TSPAN14: variants seen among roughly 807,000 people sequenced by gnomAD.
TSPAN14 encodes tetraspanin-14.
In TSPAN14, 16 loss-of-function variants were observed where a neutral mutation model predicts 36.6. The observed-to-expected ratio is 0.44, with a 90% confidence interval of 0.30 to 0.66. The LOEUF (loss-of-function observed/expected upper bound fraction) is 0.66, where lower values mean the gene tolerates loss of function less well. Among genes scored for constraint, TSPAN14 ranks in the 30% least tolerant of loss-of-function variants. The probability of loss-of-function intolerance (pLI) is 0.12; values close to 1 mark genes in which losing one functional copy is unlikely to be tolerated. For missense variants in TSPAN14, 231 were observed against 355.1 expected (o/e 0.65, Z 2.81); for synonymous variants, 139 against 143.8 (o/e 0.97, Z 0.24).
chr10:80,518,151 T>C (rs1001462758), exon 9 of TSPAN14: 2 of 677,396 alleles, frequency 3.0e-6, no homozygotes, highest in Non-Finnish European at 5.1e-6. Context: ...AGACCAAGGG[T>C]CCCCCTTGTT....
chr10:80,489,235 T>C (rs1273223564), exon 2 of TSPAN14: 1 of 1,578,870 alleles, frequency 6.3e-7, no homozygotes. Context: ...TCTCAGAAGA[T>C]GCACTATTAT....
At chr10:80,486,666 A>G (rs1412791967) in intron 1 of TSPAN14, among the ~76,000 whole-genome samples, 1 of 152,090 alleles carries the variant, frequency 6.6e-6, no homozygotes, top group African/African-American at 2.4e-5. Flanking sequence ...ACAGCCTTCT[A>G]CTTTCCAGGC....
At chr10:80,457,259 C>T (rs992940690) in intron 1 of TSPAN14, among the ~76,000 whole-genome samples, 5 of 151,594 alleles carry the variant, frequency 3.3e-5, no homozygotes, top group African/African-American at 1.2e-4. Flanking sequence ...GATCTCGGCT[C>T]ACTGCAACCT....
exon 9 of TSPAN14, chr10:80,520,831 A>C (rs769013267): frequency 7.5e-6 from 4 of 533,262 alleles, no homozygotes; most frequent in Non-Finnish European, 1.5e-5. Flanking sequence ...CTGTAGCACC[A>C]GACACTGCAC....
chr10:80,490,722 A>T (rs1241974101), intron 2 of TSPAN14, among the ~76,000 whole-genome samples: 1 of 152,078 alleles, frequency 6.6e-6, no homozygotes, highest in Non-Finnish European at 1.5e-5. Flanking sequence ...TCTTCCAAGG[A>T]TGCTTGCCTT....
chr10:80,471,200 C>G (rs534421579), intron 1 of TSPAN14, among the ~76,000 whole-genome samples: 1 of 152,184 alleles, frequency 6.6e-6, no homozygotes, highest in South Asian at 2.1e-4. Flanking sequence ...GCCTCATTCT[C>G]GGTGTCTTAC....
intron 1 of TSPAN14, 152 bp from the exon 2 acceptor site, chr10:80,489,065 A>G (rs1589269343): frequency 5.1e-6 from 3 of 585,456 alleles, no homozygotes; most frequent in South Asian, 2.0e-5. Flanking sequence ...TGCATTACCT[A>G]TACCTGGCCT....
intron 1 of TSPAN14, among the ~76,000 whole-genome samples, chr10:80,479,157 A>T (rs1375033243): frequency 6.6e-6 from 1 of 151,326 alleles, no homozygotes; most frequent in Non-Finnish European, 1.5e-5. Context: ...TTTTCTTGTA[A>T]ATTTGTTTGA....
intron 1 of TSPAN14, among the ~76,000 whole-genome samples, chr10:80,454,671 C>A (rs1339877646): frequency 1.3e-5 from 2 of 152,126 alleles, no homozygotes; most frequent in African/African-American, 4.8e-5. Context: ...GTAGCCCTCG[C>A]CCCATCAGCG....
intron 2 of TSPAN14, among the ~76,000 whole-genome samples, chr10:80,495,582 A>C (rs1015665598): frequency 1.3e-5 from 2 of 152,112 alleles, no homozygotes; most frequent in African/African-American, 4.8e-5. Context: ...AGGTGCTCTG[A>C]GATTATTGCC....
At chr10:80,456,992 G>A (rs1589226953) in intron 1 of TSPAN14, among the ~76,000 whole-genome samples, 1 of 152,104 alleles carries the variant, frequency 6.6e-6, no homozygotes, top group Non-Finnish European at 1.5e-5. Flanking sequence ...AATCTGGGAG[G>A]TGGAGGTTGC....
At chr10:80,481,090 G>A (rs1374670093) in intron 1 of TSPAN14, among the ~76,000 whole-genome samples, 1 of 152,030 alleles carries the variant, frequency 6.6e-6, no homozygotes, top group Non-Finnish European at 1.5e-5. Context: ...GGGTGAAGGA[G>A]TGAGACTCTG....
At chr10:80,471,173 T>G (rs934756611) in intron 1 of TSPAN14, among the ~76,000 whole-genome samples, 10 of 151,984 alleles carry the variant, frequency 6.6e-5, no homozygotes, top group African/African-American at 2.4e-4. Context: ...CACTCTGAGT[T>G]GGTGTTTGTC....
intron 2 of TSPAN14, among the ~76,000 whole-genome samples, chr10:80,500,602 C>T (rs1184746244): frequency 2.0e-5 from 3 of 152,078 alleles, no homozygotes; most frequent in East Asian, 1.9e-4. Flanking sequence ...TCCCAGCACT[C>T]GGCCTCCCAA....
chr10:80,511,095 C>A (rs957890080), intron 5 of TSPAN14, among the ~76,000 whole-genome samples: 1 of 152,172 alleles, frequency 6.6e-6, no homozygotes, highest in African/African-American at 2.4e-5. Flanking sequence ...TTGCCATAAC[C>A]ATGTCAGCTG....
At chr10:80,513,871 G>T in intron 6 of TSPAN14, 148 bp from the exon 7 acceptor site, 1 of 693,262 alleles carries the variant, frequency 1.4e-6, no homozygotes, top group Non-Finnish European at 2.6e-6. Flanking sequence ...CTGGTCTGAA[G>T]GATTAGTTGG....
chr10:80,507,804 G>A (rs543877394), intron 4 of TSPAN14, among the ~76,000 whole-genome samples: 1 of 152,290 alleles, frequency 6.6e-6, no homozygotes, highest in South Asian at 2.1e-4. Flanking sequence ...CAAATTTCCT[G>A]GCAGAACTGC....
chr10:80,512,189 G>A (rs765659011), exon 6 of TSPAN14: 6 of 1,614,076 alleles, frequency 3.7e-6, no homozygotes, highest in East Asian at 2.2e-5. Context: ...GGACCTCAAC[G>A]TCTACTTCAA....
chr10:80,473,908 C>G (rs1174720458), intron 1 of TSPAN14, among the ~76,000 whole-genome samples: 1 of 151,942 alleles, frequency 6.6e-6, no homozygotes, highest in African/African-American at 2.4e-5. Flanking sequence ...GGTGAGATTG[C>G]TGTGGGCAGC....
Sources: gnomAD v4.1 joint callset for allele counts (sites outside exome capture counted in the v4.1 genomes callset) on GRCh38, gnomAD v4.1.1 for gene constraint, MANE v1.5 for transcripts, NCBI Gene and HGNC (gene_info 2026-07-23, HGNC 2026-07-21) for gene names.